PLD5: variants seen among roughly 807,000 people sequenced by gnomAD.
The protein encoded by PLD5 is phospholipase D family member 5, also known as inactive phospholipase D5.
A neutral mutation model predicts 61.1 loss-of-function variants in PLD5; 36 were observed. That is an observed-to-expected ratio of 0.59 (90% CI 0.45 to 0.78). The LOEUF (loss-of-function observed/expected upper bound fraction) is 0.78. Ranked by LOEUF, PLD5 falls within the 30% of genes least tolerant of loss-of-function variation. The pLI is 0.00. For synonymous variants in PLD5, 243 were observed against 242.8 expected (o/e 1.00, Z -0.01); for missense variants, 515 against 644.4 (o/e 0.80, Z 2.17).
At chr1:242,438,357 G>A (rs1055930084) in intron 1 of PLD5, among the ~76,000 whole-genome samples, 16 of 151,106 alleles carry the variant, frequency 1.1e-4, no homozygotes, top group African/African-American at 2.2e-4. Context: ...TCTGCCTCCC[G>A]GGTTCAAGCA....
At chr1:242,354,274 G>T (rs1486521052) in intron 1 of PLD5, among the ~76,000 whole-genome samples, 3 of 152,042 alleles carry the variant, frequency 2.0e-5, no homozygotes, top group African/African-American at 4.8e-5. Flanking sequence ...GGAAGTTATG[G>T]CCTTTTTCCT....
chr1:242,272,737 C>A (rs144231097), intron 3 of PLD5, among the ~76,000 whole-genome samples: 2,839 of 151,942 alleles, frequency 0.019, 80 homozygotes, highest in African/African-American at 0.061. Flanking sequence ...TGAAAGGAGG[C>A]AATATCTGGT....
chr1:242,475,545 A>C (rs1376753163), intron 1 of PLD5, among the ~76,000 whole-genome samples: 1 of 152,180 alleles, frequency 6.6e-6, no homozygotes, highest in African/African-American at 2.4e-5. Flanking sequence ...CTTGTCTAAG[A>C]TATCCCGCCC....
At chr1:242,497,344 A>G (rs1161853422) in intron 1 of PLD5, among the ~76,000 whole-genome samples, 4 of 152,218 alleles carry the variant, frequency 2.6e-5, no homozygotes, top group African/African-American at 7.2e-5. Context: ...CTATAGTCCA[A>G]TCAGACATCA....
chr1:242,255,458 A>G (rs1482288551), intron 4 of PLD5, among the ~76,000 whole-genome samples: 1 of 152,256 alleles, frequency 6.6e-6, no homozygotes, highest in African/African-American at 2.4e-5. Context: ...GTTGGAAACT[A>G]GGGCAGCTTG....
intron 5 of PLD5, among the ~76,000 whole-genome samples, chr1:242,175,168 A>G (rs1267649417): frequency 1.3e-5 from 2 of 152,236 alleles, no homozygotes; most frequent in African/African-American, 4.8e-5. Flanking sequence ...TTTCAGGCCA[A>G]TATCCCTGAT....
chr1:242,319,970 C>T (rs1320084698), intron 2 of PLD5, among the ~76,000 whole-genome samples: 6 of 152,226 alleles, frequency 3.9e-5, no homozygotes, highest in African/African-American at 7.2e-5. Context: ...CCAATACCTG[C>T]TTTTTTCCCT....
chr1:242,510,770 G>A (rs543734240), intron 1 of PLD5, among the ~76,000 whole-genome samples: 35 of 152,064 alleles, frequency 2.3e-4, no homozygotes, highest in Middle Eastern at 3.4e-3. Flanking sequence ...GCATGACCCC[G>A]GGAGGCAGAG....
chr1:242,164,741 G>A (rs1372029880), intron 5 of PLD5, among the ~76,000 whole-genome samples: 1 of 151,960 alleles, frequency 6.6e-6, no homozygotes, highest in Middle Eastern at 3.4e-3. Context: ...GGGAAACACT[G>A]CCTAAGTTAT....
chr1:242,490,135 T>C (rs1572233902), intron 1 of PLD5, among the ~76,000 whole-genome samples: 1 of 152,340 alleles, frequency 6.6e-6, no homozygotes, highest in Admixed American at 6.5e-5. Context: ...GATGCCTCAA[T>C]GCCCATCATC....
intron 2 of PLD5, among the ~76,000 whole-genome samples, chr1:242,316,466 C>T (rs1224444607): frequency 1.6e-4 from 25 of 152,096 alleles, no homozygotes; most frequent in Admixed American, 7.9e-4. Context: ...GATGGTTATA[C>T]GAGATATTTT....
intron 1 of PLD5, among the ~76,000 whole-genome samples, chr1:242,505,411 T>G (rs1180314929): frequency 6.6e-6 from 1 of 152,224 alleles, no homozygotes; most frequent in Non-Finnish European, 1.5e-5. Flanking sequence ...TACATATTTA[T>G]GGAGTGTACC....
rs557124683 is a variant in PLD5, at chr1:242,129,161, ACT to A, written c.736-4498_736-4497del. Among the ~76,000 whole-genome samples the A allele has an allele frequency of 1.1e-3, 163 of 152,160 alleles. 1 individual carries two copies. Among genetic ancestry groups the A allele is most frequent in the African/African-American group, 3.7e-3 (154 of 41,496 alleles). On this transcript the variant is annotated intron_variant, in intron 5 of 9. Coordinates refer to ENST00000536534, the MANE Select transcript of PLD5 (RefSeq NM_001372062.1). ...TCTAGATTTTCTCCGATTTTTAATAACTCTATTCTAAACAAAGATTTAGTGTT... is the reference window on the plus strand; with the variant it reads ...TCTAGATTTTCTCCGATTTTTAATAACTATTCTAAACAAAGATTTAGTGTT...
intron 4 of PLD5, among the ~76,000 whole-genome samples, chr1:242,224,549 G>A (rs889343094): frequency 6.6e-6 from 1 of 152,016 alleles, no homozygotes; most frequent in Non-Finnish European, 1.5e-5. Flanking sequence ...TATGAGAGCC[G>A]CTCGTCAATA....
rs75398803 is a variant in PLD5, at chr1:242,106,961, A to T, written c.1239+710T>A. 1.1e-3 allele frequency among the ~76,000 whole-genome samples: 172 copies of T among 152,242 alleles called. 5 individuals are homozygous for T. In the East Asian group the frequency reaches 0.032, roughly 29 times the overall value. On this transcript the variant is annotated intron_variant, in intron 8 of 9. Coordinates refer to ENST00000536534, the MANE Select transcript of PLD5 (RefSeq NM_001372062.1). ...GAGGACTGGAGTAGAGTCAAACATG[A>T]CCTAGAGAATTAACACATTTCAGGT... is the stretch of plus-strand genomic sequence containing the variant.
At chr1:242,239,672 G>T (rs979314789) in intron 4 of PLD5, among the ~76,000 whole-genome samples, 2 of 152,142 alleles carry the variant, frequency 1.3e-5, no homozygotes, top group African/African-American at 4.8e-5. Flanking sequence ...TGATGAAATG[G>T]AGGGTTTTTA....
chr1:242,520,303 G>A (rs1287141244), intron 1 of PLD5, among the ~76,000 whole-genome samples: 1 of 152,208 alleles, frequency 6.6e-6, no homozygotes, highest in Non-Finnish European at 1.5e-5. Flanking sequence ...AGGCACAGGT[G>A]AGATATGTGA....
At chr1:242,333,881 A>G (rs2149204708) in intron 2 of PLD5, among the ~76,000 whole-genome samples, 1 of 152,198 alleles carries the variant, frequency 6.6e-6, no homozygotes, top group African/African-American at 2.4e-5. Context: ...TACCACATTT[A>G]CTTTATTTAC....
chr1:242,449,506 A>G, intron 1 of PLD5: 1 of 1,508,810 alleles, frequency 6.6e-7, no homozygotes. Context: ...CAGTCCCTCA[A>G]TTGCTGGCCT....
Sources: gnomAD v4.1 joint callset for allele counts (sites outside exome capture counted in the v4.1 genomes callset) on GRCh38, gnomAD v4.1.1 for gene constraint, MANE v1.5 for transcripts, NCBI Gene and HGNC (gene_info 2026-07-23, HGNC 2026-07-21) for gene names.